GRID2: variants seen among roughly 807,000 people sequenced by gnomAD.
GRID2 encodes glutamate receptor ionotropic, delta-2.
A neutral mutation model predicts 114.8 loss-of-function variants in GRID2; 33 were observed. The ratio of observed to expected loss-of-function variants is 0.29; its 90% CI spans 0.22 to 0.38. The LOEUF (loss-of-function observed/expected upper bound fraction) is 0.38, where lower values mean the gene tolerates loss of function less well. Among genes scored for constraint, GRID2 ranks in the 10% least tolerant of loss-of-function variants. The pLI, the probability that GRID2 is intolerant of heterozygous loss-of-function variation, is 1.00. For synonymous variants in GRID2, 505 were observed against 449.9 expected, an observed-to-expected ratio of 1.12 and a Z score of -1.55; for missense variants, 1,184 against 1,257.7, an observed-to-expected ratio of 0.94 and a Z score of 0.89.
At chr4:93,505,020 A>G (rs1010345371) in intron 12 of GRID2, among the ~76,000 whole-genome samples, 1 of 151,862 alleles carries the variant, frequency 6.6e-6, no homozygotes, top group East Asian at 1.9e-4. Flanking sequence ...GAAACAGGAG[A>G]TTTTGGGGCT....
intron 1 of GRID2, among the ~76,000 whole-genome samples, chr4:92,487,876 T>C (rs898100273): frequency 6.6e-6 from 1 of 152,216 alleles, no homozygotes; most frequent in African/African-American, 2.4e-5. Context: ...CTTGATCATT[T>C]TCTGTCCTAT....
chr4:93,569,085 A>G (rs1560763069), intron 13 of GRID2, among the ~76,000 whole-genome samples: 1 of 152,172 alleles, frequency 6.6e-6, no homozygotes, highest in Non-Finnish European at 1.5e-5. Flanking sequence ...GTTAATGACT[A>G]GCTGGTATGA....
chr4:93,667,893 G>A (rs1181983525), intron 14 of GRID2, among the ~76,000 whole-genome samples: 1 of 151,806 alleles, frequency 6.6e-6, no homozygotes, highest in African/African-American at 2.4e-5. Flanking sequence ...GCCTTGAGAT[G>A]GACTCCAAAT....
chr4:93,403,209 T>G (rs1766073268), intron 9 of GRID2, among the ~76,000 whole-genome samples: 1 of 152,066 alleles, frequency 6.6e-6, no homozygotes, highest in Non-Finnish European at 1.5e-5. Flanking sequence ...TGAGGAAATT[T>G]CCAGGGGCTG....
At chr4:92,619,834 A>G (rs1240487447) in intron 2 of GRID2, among the ~76,000 whole-genome samples, 1 of 151,496 alleles carries the variant, frequency 6.6e-6, no homozygotes, top group Admixed American at 6.6e-5. Context: ...ATTTAGTTTT[A>G]TCATTGCCTT....
At position 93,394,641 on chromosome 4, in the gene GRID2, C is replaced by T. The variant is rs368186858; in HGVS notation, c.1246-966C>T. ...CCTATGACCATTCAGTTAATCAAAACAGTCTCTGAATATGATGAAAGATCT... is the reference window on the plus strand; with the variant it reads ...CCTATGACCATTCAGTTAATCAAAATAGTCTCTGAATATGATGAAAGATCT... On this transcript the variant is annotated intron_variant, in intron 8 of 15. Coordinates refer to ENST00000282020, the MANE Select transcript of GRID2 (RefSeq NM_001510.4). Among the ~76,000 whole-genome samples the T allele has an allele frequency of 3.3e-5, 5 of 152,038 alleles. No individual in the cohort carries two copies. The East Asian group carries it at 7.8e-4, about 24-fold the overall frequency.
intron 2 of GRID2, among the ~76,000 whole-genome samples, chr4:92,943,261 GTTCTT>G (rs1751322017): frequency 6.6e-6 from 1 of 152,098 alleles, no homozygotes; most frequent in Admixed American, 6.5e-5. Flanking sequence ...TGGGGGCTTT[GTTCTT>G]TTCTTTTTAT....
At chr4:93,326,479 G>A (rs1382630228) in intron 8 of GRID2, among the ~76,000 whole-genome samples, 1 of 152,088 alleles carries the variant, frequency 6.6e-6, no homozygotes, top group African/African-American at 2.4e-5. Flanking sequence ...GGCTTCCAGA[G>A]AATCTAAAAA....
At chr4:92,449,691 AT>A (rs1720793668) in intron 1 of GRID2, among the ~76,000 whole-genome samples, 1 of 141,212 alleles carries the variant, frequency 7.1e-6, no homozygotes, top group African/African-American at 2.6e-5. Flanking sequence ...ATATATATAT[AT>A]ATATATATAT....
At chr4:93,397,803 T>C (rs528239992) in intron 9 of GRID2, among the ~76,000 whole-genome samples, 147 of 152,120 alleles carry the variant, frequency 9.7e-4, no homozygotes, top group Admixed American at 1.8e-3. Context: ...CTTTAAAGCA[T>C]TTTAGATTAC....
intron 2 of GRID2, among the ~76,000 whole-genome samples, chr4:92,937,233 C>T (rs1004808736): frequency 6.8e-6 from 1 of 146,570 alleles, no homozygotes; most frequent in Non-Finnish European, 1.5e-5. Context: ...ATTGCTCATA[C>T]TTTCGGTGTC....
At chr4:92,694,774 A>G (rs1734348264) in intron 2 of GRID2, among the ~76,000 whole-genome samples, 2 of 152,120 alleles carry the variant, frequency 1.3e-5, no homozygotes, top group Admixed American at 1.3e-4. Flanking sequence ...TTAATTGGCT[A>G]CTTTCTTAAT....
chr4:93,466,429 C>A (rs1724277943), intron 11 of GRID2, among the ~76,000 whole-genome samples: 1 of 152,148 alleles, frequency 6.6e-6, no homozygotes, highest in Non-Finnish European at 1.5e-5. Context: ...TCCATGACTG[C>A]CCCTGTAGAG....
At chr4:93,085,339 A>G in intron 3 of GRID2, 60 bp downstream of exon 3, 1 of 1,294,496 alleles carries the variant, frequency 7.7e-7, no homozygotes, top group Non-Finnish European at 1.1e-6. Context: ...AAGCAAATTC[A>G]TTAAATCTTA....
chr4:93,636,765 C>A (rs922443751), intron 14 of GRID2, among the ~76,000 whole-genome samples: 4 of 152,080 alleles, frequency 2.6e-5, no homozygotes, highest in Non-Finnish European at 5.9e-5. Context: ...ATTTTGAGCA[C>A]TGAGTGAGCC....
chr4:93,223,021 C>A (rs1745070009), intron 6 of GRID2, among the ~76,000 whole-genome samples: 1 of 152,052 alleles, frequency 6.6e-6, no homozygotes, highest in Non-Finnish European at 1.5e-5. Flanking sequence ...GGCAGTAGAA[C>A]CAGGAGGGGT....
intron 1 of GRID2, among the ~76,000 whole-genome samples, chr4:92,479,930 A>G (rs941076621): frequency 6.6e-6 from 1 of 152,146 alleles, no homozygotes. Flanking sequence ...TTATTAAAGC[A>G]TTTCATAAAT....
intron 2 of GRID2, among the ~76,000 whole-genome samples, chr4:93,068,741 A>T (rs1912718): frequency 6.6e-6 from 1 of 151,692 alleles, no homozygotes. Context: ...CCTCTTTTCT[A>T]TTCTGCGGGG....
intron 8 of GRID2, among the ~76,000 whole-genome samples, chr4:93,341,090 T>C (rs1012191933): frequency 2.0e-5 from 3 of 152,112 alleles, no homozygotes; most frequent in Admixed American, 2.0e-4. Flanking sequence ...TATACAGAAA[T>C]CTTTCTTTTT....
Sources: gnomAD v4.1 joint callset for allele counts (sites outside exome capture counted in the v4.1 genomes callset) on GRCh38, gnomAD v4.1.1 for gene constraint, MANE v1.5 for transcripts, NCBI Gene and HGNC (gene_info 2026-07-23, HGNC 2026-07-21) for gene names.